The following SCNN1D variants were observed in gnomAD, a reference collection of about 807,000 sequenced individuals.
SCNN1D encodes epithelial sodium channel subunit delta.
A neutral mutation model predicts 87.8 loss-of-function variants in SCNN1D; 104 were observed. That is an observed-to-expected ratio of 1.18 (90% CI 1.01 to 1.39). The LOEUF (loss-of-function observed/expected upper bound fraction) is 1.39. SCNN1D is among the 40% of genes most tolerant of loss of function. SCNN1D has a pLI of 0.00. For synonymous variants in SCNN1D, 628 were observed against 481.2 expected (o/e 1.31, Z -3.99); for missense variants, 1,324 against 1,093.9 (o/e 1.21, Z -2.97).
At chr1:1,290,180 CGTCCCGTGTCCCT>C in intron 12 of SCNN1D, 78 bp from the exon 13 acceptor site, 2 of 741,752 alleles carry the variant, frequency 2.7e-6, no homozygotes, top group Non-Finnish European at 2.1e-6. Context: ...GTCCCTGCTC[CGTCCCGTGTCCCT>C]GCTCCGTCCC....
intron 7 of SCNN1D, 144 bp downstream of exon 7, chr1:1,286,422 C>T: frequency 1.4e-6 from 1 of 730,386 alleles, no homozygotes; most frequent in Non-Finnish European, 2.2e-6. Flanking sequence ...ACTGTGACCT[C>T]CCAAACCTCG....
rs1182809342 is a variant in SCNN1D at position 1,280,545 on chromosome 1, C to T, written c.-117C>T. ...GGCGTTGTGCAGATGAAGGTCTTATCGCAGATGAAGCCACCAGGTCACAAG... is the reference window on the plus strand; with the variant it reads ...GGCGTTGTGCAGATGAAGGTCTTATTGCAGATGAAGCCACCAGGTCACAAG... On this transcript the variant is annotated 5_prime_UTR_variant, in exon 1 of 18. Coordinates refer to ENST00000379116, the MANE Select transcript of SCNN1D (RefSeq NM_001130413.4). 9.1e-6 allele frequency: 6 copies of T among 657,250 alleles called. No individual in the cohort carries two copies. The highest frequency in any genetic ancestry group is 1.7e-5 in the Non-Finnish European group (6 of 353,528). 40.7% of individuals were successfully genotyped at this position (657,250 alleles called of 1,614,324 possible). A position where few individuals can be genotyped will look rare whatever the true frequency, so the allele number is the denominator to read the frequency against.
intron 4 of SCNN1D, among the ~76,000 whole-genome samples, chr1:1,283,003 C>T (rs920943617): frequency 5.9e-5 from 9 of 152,112 alleles, no homozygotes; most frequent in African/African-American, 1.9e-4. Flanking sequence ...CCGCCCGCCT[C>T]GGCCTCCCAA....
Position 1,284,085 on chromosome 1 carries a change from C to T in SCNN1D, c.459C>T (p.Thr153=), listed in dbSNP as rs755808489. ...EWKQPHGGAL[T]SRSPGPVAPQ... ...AGCAGCCACACGGGGGGGCTCTCAC[C>T]TCCAGGTACCGTGGGGGGGGGTGAG... Residue 153 remains threonine (T), a synonymous_variant, in exon 5 of 18, where the codon ACC becomes ACT. Transcript: ENST00000379116. The T allele has an allele frequency of 1.3e-6, 1 of 758,000 alleles. No homozygotes were observed. The highest frequency in any genetic ancestry group is 6.6e-5 in the African/African-American group (1 of 15,220). 47.0% of individuals were successfully genotyped at this position (758,000 alleles called of 1,614,324 possible).
At chr1:1,288,207 G>A (rs976322769) in intron 12 of SCNN1D, among the ~76,000 whole-genome samples, 170 bp downstream of exon 12, 3 of 146,680 alleles carry the variant, frequency 2.0e-5, no homozygotes, top group Non-Finnish European at 4.6e-5. Context: ...CATTCCCTGT[G>A]TCTCTGCTCC....
chr1:1,282,624 A>T (rs1169621293), intron 4 of SCNN1D, among the ~76,000 whole-genome samples: 1 of 152,084 alleles, frequency 6.6e-6, no homozygotes, highest in Non-Finnish European at 1.5e-5. Context: ...TGACAGTAGC[A>T]TGTGGTCTTA....
At chr1:1,282,428 C>A in intron 4 of SCNN1D, 113 bp downstream of exon 4, 1 of 1,256,220 alleles carries the variant, frequency 8.0e-7, no homozygotes, top group South Asian at 1.4e-5. Flanking sequence ...ATGTCAGGAA[C>A]ACAGAGCCTA....
At position 1,281,608 on chromosome 1, in the gene SCNN1D, C is replaced by G; in HGVS notation, c.275C>G (p.Thr92Arg). ...LLSGPIQGCG[T>R]GLGDSSMAFL... The stretch of plus-strand genomic sequence containing the variant: ...TCTGGCCCGATACAGGGGTGTGGGA[C>G]AGGTGACTGAACCTCAGCCCTTAGA... Residue 92 changes from threonine (T) to arginine (R), a missense_variant and splice_region_variant, in exon 3 of 18, where the codon ACA becomes AGA. Physicochemically the swap from Thr to Arg is moderately conservative, Grantham distance 71 (BLOSUM62 -1). Transcript: ENST00000379116. 6.5e-7 allele frequency: 1 copy of G among 1,535,012 alleles called. No homozygotes were observed. Among genetic ancestry groups the G allele is most frequent in the East Asian group, 2.4e-5 (1 of 40,912 alleles).
At chr1:1,288,217 C>CGTCCCGTGTCTCTGCTCT (rs1640656661) in intron 12 of SCNN1D, among the ~76,000 whole-genome samples, 180 bp downstream of exon 12, 2 of 143,312 alleles carry the variant, frequency 1.4e-5, no homozygotes, top group Non-Finnish European at 3.1e-5. Context: ...GTCTCTGCTC[C>CGTCCCGTGTCTCTGCTCT]GTCCCGTGTC....
In SCNN1D at chr1:1,290,619, C is replaced by T. The variant is rs12041517; in HGVS notation, c.1860-18C>T. The T allele has an allele frequency of 5.9e-5, 95 of 1,612,616 alleles. No homozygotes were observed. In the East Asian group the frequency reaches 1.6e-3, roughly 28 times the overall value. ...GCCCCAGGTAGCGTGGCAGGTGACA[C>T]CCGGCTGTCTCTTCCAGGGAGTCTG... On this transcript the variant is annotated intron_variant, in intron 14 of 17. Transcript: ENST00000379116.
chr1:1,289,480 T>C (rs1325651583), intron 12 of SCNN1D, among the ~76,000 whole-genome samples: 2 of 21,824 alleles, frequency 9.2e-5, no homozygotes, highest in Admixed American at 5.8e-4. Context: ...CCCCCGTGTC[T>C]CTGCTCCGTC....
At chr1:1,285,781 C>A in intron 6 of SCNN1D, 117 bp downstream of exon 6, 1 of 1,185,630 alleles carries the variant, frequency 8.4e-7, no homozygotes, top group Non-Finnish European at 1.2e-6. Flanking sequence ...GAGAAGGGCG[C>A]AGTGTCAGAG....
At position 1,291,323 on chromosome 1, in the gene SCNN1D, C is replaced by G; in HGVS notation, c.2122C>G (p.Leu708Val). Residue 708 changes from leucine to valine, a missense_variant, in exon 18 of 18, where the codon CTG becomes GTG. Physicochemically the swap from Leu to Val is conservative, Grantham distance 32. Coordinates refer to ENST00000379116, the MANE Select transcript of SCNN1D (RefSeq NM_001130413.4). The stretch of plus-strand genomic sequence containing the variant: ...GTTTGGGGCCTCCGTCCTCTCCCTC[C>G]TGGAGCTCCTGGAGCTGCTGCTCGA... ...LWFGASVLSL[L>V]ELLELLLDAS... The G allele has an allele frequency of 6.3e-7, 1 of 1,598,294 alleles. No individual in the cohort carries two copies. Among genetic ancestry groups the G allele is most frequent in the African/African-American group, 1.3e-5 (1 of 74,584 alleles).
Position 1,290,384 on chromosome 1 carries a change from C to A in SCNN1D, c.1776C>A (p.Ala592=). Residue 592 remains alanine (A), a synonymous_variant, in exon 13 of 18, where the codon GCC becomes GCA. Transcript: ENST00000379116. The stretch of plus-strand genomic sequence containing the variant: ...ACTGCAGCTCTGCCCGGCACCCTGC[C>A]TGGGGTGAGTCCTGCTCGCTGCCTC... The part of the protein sequence containing the change: ...AEYCSSARHP[A]WGHCFYRLYQ... The A allele has an allele frequency of 6.2e-7, 1 of 1,603,826 alleles. No homozygotes were observed. Among genetic ancestry groups the A allele is most frequent in the South Asian group, 1.1e-5 (1 of 90,054 alleles).
At chr1:1,281,888 C>A in intron 3 of SCNN1D, 1 of 567,886 alleles carries the variant, frequency 1.8e-6, no homozygotes, top group Non-Finnish European at 3.1e-6. Context: ...GTCTGCCAGG[C>A]CACTCCCGGG....
intron 3 of SCNN1D, chr1:1,281,851 C>G (rs1208619860): frequency 1.7e-6 from 1 of 585,778 alleles, no homozygotes; most frequent in African/African-American, 1.9e-5. Flanking sequence ...CTCTTTCTCT[C>G]TCTGCACCCT....
rs774204052 is a variant in SCNN1D, at chr1:1,286,886, C to G, written c.1030C>G (p.Arg344Gly). The G allele has an allele frequency of 1.2e-6, 2 of 1,612,568 alleles. No homozygotes were observed. Among genetic ancestry groups the G allele is most frequent in the South Asian group, 2.2e-5 (2 of 91,062 alleles). Residue 344 changes from arginine (R) to glycine (G), a missense_variant, in exon 8 of 18, where the codon CGC becomes GGC. Transcript: ENST00000379116. ...AGCCGCCCTCTCCGCCACTGTCCCCCGCCACGAGCCCCCCTTCCACCTGGA... is the reference window on the plus strand; with the variant it reads ...AGCCGCCCTCTCCGCCACTGTCCCCGGCCACGAGCCCCCCTTCCACCTGGA... The part of the protein sequence containing the change: ...GRAALSATVP[R>G]HEPPFHLDRE...
rs1004264217 is a variant in SCNN1D, at chr1:1,286,802, G to A, written c.946G>A (p.Asp316Asn). ...SPVLRHLELL[D>N]EFARENIDSL... is the part of the protein sequence containing the mutation. ...GGTCCTCCGCCATCTGGAGCTGCTG[G>A]ACGAGTTTGCCAGGGAGAACATTGA... is the stretch of plus-strand genomic sequence containing the variant. Residue 316 changes from aspartate to asparagine, a missense_variant, in exon 8 of 18, where the codon GAC becomes AAC. Coordinates refer to ENST00000379116, the MANE Select transcript of SCNN1D (RefSeq NM_001130413.4). 1 of 1,612,680 alleles carries A rather than the reference G, an allele frequency of 6.2e-7. No homozygotes were observed. Among genetic ancestry groups the A allele is most frequent in the Non-Finnish European group, 8.5e-7 (1 of 1,179,920 alleles).
chr1:1,281,723 C>T (rs1000078457), intron 3 of SCNN1D, 113 bp downstream of exon 3: 53 of 993,754 alleles, frequency 5.3e-5, no homozygotes, highest in African/African-American at 3.1e-4. Flanking sequence ...GCAGGGCATA[C>T]GGGTCATGGA....
Sources: allele counts gnomAD v4.1 joint callset (sites outside exome capture counted in the v4.1 genomes callset), GRCh38; gene constraint gnomAD v4.1.1; transcripts MANE v1.5; gene names NCBI Gene and HGNC (gene_info 2026-07-23, HGNC 2026-07-21).